Variants in TNPO3 observed in about 807,000 individuals in gnomAD.
TNPO3 encodes transportin-3.
A neutral mutation model predicts 122.8 loss-of-function variants in TNPO3; 65 were observed. The observed-to-expected ratio is 0.53, with a 90% CI of 0.43 to 0.65. The LOEUF (loss-of-function observed/expected upper bound fraction) is 0.65. Among genes scored for constraint, TNPO3 ranks in the 30% least tolerant of loss-of-function variants. The pLI, the probability that TNPO3 is intolerant of heterozygous loss-of-function variation, is 0.00. For missense variants in TNPO3, 850 were observed against 1,136.7 expected, an observed-to-expected ratio of 0.75 and a Z score of 3.63; for synonymous variants, 372 against 411.2, an observed-to-expected ratio of 0.90 and a Z score of 1.15.
chr7:128,966,282 C>A (rs879464741), intron 21 of TNPO3, among the ~76,000 whole-genome samples: 4 of 152,080 alleles, frequency 2.6e-5, no homozygotes, highest in Non-Finnish European at 5.9e-5. Flanking sequence ...TATTGATGGG[C>A]AATTAGAATA....
intron 1 of TNPO3, among the ~76,000 whole-genome samples, chr7:129,018,608 T>C (rs965856290): frequency 6.6e-6 from 1 of 152,248 alleles, no homozygotes; most frequent in Non-Finnish European, 1.5e-5. Flanking sequence ...TCTATAAATA[T>C]GAGAATATAC....
In TNPO3 at chr7:128,984,201, T is replaced by C. The variant is rs1482178643; in HGVS notation, c.1749A>G (p.Glu583=). The part of the protein sequence containing the change: ...PLDKITECLS[E]LCSVQVMALK... ...ATGCCATAACCTGAACAGAACATAG[T>C]TCACTAAGACATTCGGTAATCTTAT... Residue 583 remains glutamate (E), a synonymous_variant, in exon 13 of 23, where the codon GAA becomes GAG. Coordinates refer to ENST00000265388, the MANE Select transcript of TNPO3 (RefSeq NM_012470.4). The C allele has an allele frequency of 2.5e-6, 4 of 1,612,778 alleles. No individual in the cohort carries two copies. Among genetic ancestry groups the C allele is most frequent in the Non-Finnish European group, 3.4e-6 (4 of 1,179,514 alleles).
Position 128,993,849 on chromosome 7 carries a change from C to T in TNPO3, c.1224G>A (p.Lys408=). The T allele has an allele frequency of 6.2e-7, 1 of 1,614,102 alleles. No homozygotes were observed. Among genetic ancestry groups the T allele is most frequent in the South Asian group, 1.1e-5 (1 of 91,080 alleles). Residue 408 remains lysine, a synonymous_variant, in exon 9 of 23, where the codon AAG becomes AAA. Transcript: ENST00000265388. ...EFRMRVSDLV[K]DLIFLIGSME... ...TAGACCCTATCAAGAAAATCAAGTC[C>T]TTTACCAGGTCTGATACCCTCATGC...
At chr7:129,016,791 A>T (rs1803903422) in intron 3 of TNPO3, among the ~76,000 whole-genome samples, 192 bp downstream of exon 3, 1 of 152,242 alleles carries the variant, frequency 6.6e-6, no homozygotes, top group Non-Finnish European at 1.5e-5. Context: ...AGTCTTTTAC[A>T]TCCCACACAA....
intron 1 of TNPO3, among the ~76,000 whole-genome samples, chr7:129,026,384 TG>T (rs2150474978): frequency 6.7e-6 from 1 of 150,350 alleles, no homozygotes; most frequent in East Asian, 1.9e-4. Flanking sequence ...GCTCCTTTGA[TG>T]ACGTTTGAAT....
intron 8 of TNPO3, among the ~76,000 whole-genome samples, chr7:128,994,917 C>G (rs1801147635): frequency 6.6e-6 from 1 of 152,192 alleles, no homozygotes; most frequent in South Asian, 2.1e-4. Flanking sequence ...CTTGCCCTCC[C>G]AAAGTTCCGG....
At chr7:128,959,636 C>T (rs1231281998) in intron 21 of TNPO3, among the ~76,000 whole-genome samples, 1 of 152,200 alleles carries the variant, frequency 6.6e-6, no homozygotes, top group African/African-American at 2.4e-5. Context: ...GGCTTCTGCC[C>T]CAATCCTATC....
chr7:129,035,458 A>G (rs1806521400), intron 1 of TNPO3, among the ~76,000 whole-genome samples: 1 of 152,106 alleles, frequency 6.6e-6, no homozygotes. Context: ...GAAAGAAAAA[A>G]AGAAATTAGC....
intron 10 of TNPO3, among the ~76,000 whole-genome samples, chr7:128,991,661 C>A (rs1800760344): frequency 6.6e-6 from 1 of 152,154 alleles, no homozygotes; most frequent in Non-Finnish European, 1.5e-5. Context: ...AGTGTCTATT[C>A]AATTGCTTTT....
intron 1 of TNPO3, among the ~76,000 whole-genome samples, chr7:129,027,558 C>CAAAAAA (rs71162549): frequency 1.5e-3 from 13 of 8,946 alleles, no homozygotes; most frequent in Non-Finnish European, 1.6e-3. Flanking sequence ...AAGACTGTCT[C>CAAAAAA]AAAAAAAAAA....
chr7:129,020,154 C>G (rs920326871), intron 1 of TNPO3, among the ~76,000 whole-genome samples: 2 of 151,852 alleles, frequency 1.3e-5, no homozygotes, highest in Non-Finnish European at 2.9e-5. Context: ...ACCAAAAAAC[C>G]CCAACCTTAG....
intron 8 of TNPO3, among the ~76,000 whole-genome samples, chr7:128,994,321 C>G (rs968671487): frequency 6.6e-5 from 10 of 152,016 alleles, no homozygotes; most frequent in African/African-American, 2.4e-4. Context: ...CCACACCCGA[C>G]TAATTTTTGT....
chr7:128,984,338 C>A, intron 12 of TNPO3, 79 bp from the exon 13 acceptor site: 1 of 882,460 alleles, frequency 1.1e-6, no homozygotes, highest in Non-Finnish European at 1.8e-6. Flanking sequence ...ATGTGAGTGA[C>A]CAGAAAAAGC....
intron 1 of TNPO3, among the ~76,000 whole-genome samples, chr7:129,049,043 T>G (rs1490701329): frequency 6.6e-6 from 1 of 152,234 alleles, no homozygotes; most frequent in Non-Finnish European, 1.5e-5. Context: ...AAATCACTTT[T>G]GGCTGAAGAG....
chr7:128,997,780 T>C (rs567642918), intron 7 of TNPO3, among the ~76,000 whole-genome samples: 1 of 152,290 alleles, frequency 6.6e-6, no homozygotes, highest in Non-Finnish European at 1.5e-5. Context: ...AGGTAATGCC[T>C]CCAAAAGTAT....
intron 8 of TNPO3, among the ~76,000 whole-genome samples, chr7:128,995,298 T>C (rs1234310701): frequency 6.6e-6 from 1 of 152,224 alleles, no homozygotes; most frequent in Admixed American, 6.5e-5. Context: ...CTTCTGTATC[T>C]TTCCTATTCT....
chr7:128,962,911 A>T (rs1797604461), intron 21 of TNPO3, among the ~76,000 whole-genome samples: 1 of 152,122 alleles, frequency 6.6e-6, no homozygotes, highest in South Asian at 2.1e-4. Context: ...CCTTGATTTC[A>T]GACTTACCAT....
intron 21 of TNPO3, among the ~76,000 whole-genome samples, chr7:128,963,551 C>A (rs146586497): frequency 8.6e-4 from 131 of 152,302 alleles, no homozygotes; most frequent in Middle Eastern, 3.4e-3. Context: ...CCACTTCTGG[C>A]AAAATGTGTC....
At chr7:128,956,118 T>C (rs1030986578) in intron 22 of TNPO3, among the ~76,000 whole-genome samples, 1 of 152,234 alleles carries the variant, frequency 6.6e-6, no homozygotes, top group African/African-American at 2.4e-5. Flanking sequence ...TGTATCAATG[T>C]CAGCTAACCC....
Sources: gnomAD v4.1 joint callset for allele counts (sites outside exome capture counted in the v4.1 genomes callset) on GRCh38, gnomAD v4.1.1 for gene constraint, MANE v1.5 for transcripts, NCBI Gene and HGNC (gene_info 2026-07-23, HGNC 2026-07-21) for gene names.